Variants in EHBP1L1 observed in about 807,000 individuals in gnomAD.
The protein encoded by EHBP1L1 is EH domain-binding protein 1-like protein 1.
In EHBP1L1, 122 loss-of-function variants were observed where a neutral mutation model predicts 151.1. The ratio of observed to expected loss-of-function variants is 0.81; its 90% CI spans 0.70 to 0.94. EHBP1L1 has a LOEUF of 0.94. EHBP1L1 is among the 40% of genes least tolerant of loss of function. The probability of loss-of-function intolerance (pLI) is 0.00; values close to 1 mark genes in which losing one functional copy is unlikely to be tolerated. For missense variants in EHBP1L1, 1,941 were observed against 1,959.8 expected, an observed-to-expected ratio of 0.99 and a Z score of 0.18; for synonymous variants, 878 against 810.1, an observed-to-expected ratio of 1.08 and a Z score of -1.42.
Position 65,576,378 on chromosome 11 carries a change from G to A in EHBP1L1, c.76G>A (p.Glu26Lys), listed in dbSNP as rs1043243036. ...GTTCCAGTTCGTGGCCTGTTACCAC[G>A]AGCTAGTGTTGGAGTGCACCAAGAA... ...AKFQFVACYH[E>K]LVLECTKKWQ... The change falls in exon 1 of 19, where the codon GAG becomes AAG. Residue 26 changes from glutamate to lysine, a missense_variant. Coordinates refer to ENST00000309295, the MANE Select transcript of EHBP1L1 (RefSeq NM_001099409.3). 5.0e-6 allele frequency: 8 copies of A among 1,593,358 alleles called. No homozygotes were observed. Among genetic ancestry groups the A allele is most frequent in the South Asian group, 2.3e-5 (2 of 87,878 alleles).
chr11:65,576,536 TC>T lies in EHBP1L1; in HGVS notation c.104+132del, dbSNP rs1355107407. 1.1e-5 allele frequency: 9 copies of T among 792,128 alleles called. No individual in the cohort carries two copies. In the African/African-American group the frequency reaches 1.4e-4, roughly 13 times the overall value. 49.1% of individuals were successfully genotyped at this position (792,128 alleles called of 1,614,324 possible). A position where few individuals can be genotyped will look rare whatever the true frequency, so the allele number is the denominator to read the frequency against. ...CCCCCACCCCAGCTTGGGCCCTGGTTCCGTTCCCAGGCTCGGAGATTCAGAA... is the reference window on the plus strand; with the variant it reads ...CCCCCACCCCAGCTTGGGCCCTGGTTCGTTCCCAGGCTCGGAGATTCAGAA... On this transcript the variant is annotated intron_variant, in intron 1 of 18. Transcript: ENST00000309295.
At chr11:65,591,763 G>C in intron 16 of EHBP1L1, 37 bp from the exon 17 acceptor site, 1 of 1,128,584 alleles carries the variant, frequency 8.9e-7, no homozygotes, top group Non-Finnish European at 1.3e-6. Flanking sequence ...TTCCTGAACT[G>C]CCACCCCCCC....
At chr11:65,588,319 C>T (rs530609088) in intron 12 of EHBP1L1, among the ~76,000 whole-genome samples, 35 of 152,008 alleles carry the variant, frequency 2.3e-4, no homozygotes, top group Middle Eastern at 3.4e-3. Context: ...GGCCAGGGGG[C>T]GGTGTCTAGG....
rs1240907488 is a variant in EHBP1L1 at position 65,582,634 on chromosome 11, G to A, written c.1962G>A (p.Gln654=). ...CAGAGACTGAGGTATTGGGGACCCA[G>A]AAAACAGAAGCTGGGGGTTCAGGAG... ...PGTETEVLGT[Q]KTEAGGSGVL... Residue 654 remains glutamine (Q), a synonymous_variant, in exon 9 of 19, where the codon CAG becomes CAA. Coordinates refer to ENST00000309295, the MANE Select transcript of EHBP1L1 (RefSeq NM_001099409.3). The A allele has an allele frequency of 6.2e-7, 1 of 1,613,616 alleles. No individual in the cohort carries two copies. The highest frequency in any genetic ancestry group is 2.2e-5 in the East Asian group (1 of 44,876).
In EHBP1L1 at chr11:65,581,135, C is replaced by T; in HGVS notation, c.703+9C>T. 13 of 1,612,886 alleles carry T rather than the reference C, an allele frequency of 8.1e-6. No individual in the cohort carries two copies. Among genetic ancestry groups the T allele is most frequent in the South Asian group, 1.1e-5 (1 of 91,084 alleles). ...ACGACCCCAGCAGGCAGGTGAGACC[C>T]AGGCTGGGGTTGGGGGTGGAGACTG... On this transcript the variant is annotated intron_variant, in intron 7 of 18. Coordinates refer to ENST00000309295, the MANE Select transcript of EHBP1L1 (RefSeq NM_001099409.3).
Position 65,585,341 on chromosome 11 carries a change from A to AGTC in EHBP1L1, c.3685_3687dup (p.Ser1229dup). 1 of 1,099,708 alleles carries AGTC rather than the reference A, an allele frequency of 9.1e-7. No individual in the cohort carries two copies. Among genetic ancestry groups the AGTC allele is most frequent in the Non-Finnish European group, 1.1e-6 (1 of 906,758 alleles). 68.1% of individuals were successfully genotyped at this position (1,099,708 alleles called of 1,614,324 possible). A position where few individuals can be genotyped will look rare whatever the true frequency, so the allele number is the denominator to read the frequency against. On this transcript the variant is annotated inframe_insertion, in exon 12 of 19. Transcript: ENST00000309295. The surrounding 1 kb of genome is among the most constrained non-coding windows in gnomAD (Gnocchi z 4.0). ...GACGGCGGGGCCGAGGCCCCCCGAG[A>AGTC]GTCGCGACCCGCGGAGGTCCCGGCC...
chr11:65,576,933 C>T (rs1437827353), intron 1 of EHBP1L1, among the ~76,000 whole-genome samples: 1 of 151,968 alleles, frequency 6.6e-6, no homozygotes, highest in Non-Finnish European at 1.5e-5. Flanking sequence ...CCACAATGTC[C>T]TTAAAAGGGG....
chr11:65,584,160 G>A, intron 9 of EHBP1L1, 81 bp from the exon 10 acceptor site: 1 of 1,550,116 alleles, frequency 6.5e-7, no homozygotes, highest in South Asian at 1.2e-5. Flanking sequence ...GGGCTGTTGT[G>A]TGCCAGGCAT....
chr11:65,591,718 G>T (rs1306916899), intron 16 of EHBP1L1, 82 bp from the exon 17 acceptor site: 12 of 1,168,736 alleles, frequency 1.0e-5, no homozygotes, highest in Non-Finnish European at 1.4e-5. Context: ...TCAGGGAGTG[G>T]CCAGAGCCCT....
intron 16 of EHBP1L1, chr11:65,591,571 G>C: frequency 1.7e-6 from 1 of 605,218 alleles, no homozygotes; most frequent in South Asian, 1.9e-5. Flanking sequence ...GGTCCTTCTG[G>C]GGGGTGTGTG....
chr11:65,583,948 C>T (rs1857787999), intron 9 of EHBP1L1, 183 bp downstream of exon 9: 2 of 1,416,048 alleles, frequency 1.4e-6, no homozygotes, highest in South Asian at 1.7e-5. Context: ...CCCCATCTTC[C>T]CTGGGCCGCA....
In EHBP1L1 at chr11:65,583,101, C is replaced by T. The variant is rs755729901; in HGVS notation, c.2429C>T (p.Ala810Val). 1.4e-5 allele frequency: 23 copies of T among 1,612,292 alleles called. No homozygotes were observed. Among genetic ancestry groups the T allele is most frequent in the Non-Finnish European group, 1.8e-5 (21 of 1,179,578 alleles). The change falls in exon 9 of 19, where the codon GCG becomes GTG. Residue 810 changes from alanine to valine, a missense_variant. Coordinates refer to ENST00000309295, the MANE Select transcript of EHBP1L1 (RefSeq NM_001099409.3). ...EVGGSEVPEI[A>V]TGTAETEILG... is the part of the protein sequence containing the mutation. ...GGGGGTTCAGAGGTTCCAGAGATAG[C>T]GACTGGGACAGCAGAAACTGAGATA...
At chr11:65,576,486 C>T (rs988844165) in intron 1 of EHBP1L1, 80 bp downstream of exon 1, 27 of 1,308,784 alleles carry the variant, frequency 2.1e-5, no homozygotes, top group Admixed American at 9.4e-5. Context: ...AGGACTCTGC[C>T]CCCCCAGCCC....
rs748747865 is a variant in EHBP1L1 at position 65,580,275 on chromosome 11, C to T, written c.491+16C>T. The T allele has an allele frequency of 5.6e-6, 9 of 1,613,212 alleles. No individual in the cohort carries two copies. In the East Asian group the frequency reaches 1.8e-4, roughly 32 times the overall value. ...GCCGTGCCACGTGAGTGCCTACCTG[C>T]CCTCCTTGATCCTGGCCTGTGACCT... is the stretch of plus-strand genomic sequence containing the variant. On this transcript the variant is annotated intron_variant, in intron 5 of 18. Transcript: ENST00000309295.
chr11:65,581,549 C>T lies in EHBP1L1; in HGVS notation c.877C>T (p.Gln293Ter), dbSNP rs923111062. The T allele has an allele frequency of 1.3e-6, 2 of 1,495,034 alleles. No individual in the cohort carries two copies. Among genetic ancestry groups the T allele is most frequent in the Non-Finnish European group, 1.8e-6 (2 of 1,124,234 alleles). 92.6% of individuals were successfully genotyped at this position (1,495,034 alleles called of 1,614,324 possible). ...CTGCTCTCTTCTCAGGTCTTCAAGG[C>T]AGCCAGCCCAGGACACGGCCCCCAC... Reference protein sequence around the residue: ...ETSPEMRSSRQPAQDTAPTPA... With the variant: ...ETSPEMRSSR Residue 293 changes from glutamine to a stop codon, truncating the protein, a stop_gained, in exon 9 of 19, where the codon CAG (glutamine) becomes TAG (stop). Coordinates refer to ENST00000309295, the MANE Select transcript of EHBP1L1 (RefSeq NM_001099409.3). LOFTEE classifies it high-confidence loss of function.
rs538988317 is a variant in EHBP1L1, at chr11:65,580,757, C to T, written c.634+278C>T. 2.0e-4 allele frequency among the ~76,000 whole-genome samples: 31 copies of T among 152,294 alleles called. No individual in the cohort carries two copies. In the South Asian group the frequency reaches 6.4e-3, roughly 32 times the overall value. On this transcript the variant is annotated intron_variant, in intron 6 of 18. Transcript: ENST00000309295. ...TGGTGCTTGCCAGGCCCGTACCTGACCCAGGACAGCTGGGTCAGAAGCCCG... is the reference window on the plus strand; with the variant it reads ...TGGTGCTTGCCAGGCCCGTACCTGATCCAGGACAGCTGGGTCAGAAGCCCG...
At position 65,576,404 on chromosome 11, in the gene EHBP1L1, A is replaced by G; in HGVS notation, c.102A>G (p.Lys34=). 6.3e-7 allele frequency: 1 copy of G among 1,580,680 alleles called. No individual in the cohort carries two copies. The highest frequency in any genetic ancestry group is 8.6e-7 in the Non-Finnish European group (1 of 1,163,446). ...AGCTAGTGTTGGAGTGCACCAAGAA[A>G]TGGTGAGTGGGAGGGAGGCGGGGGG... ...YHELVLECTK[K]WQPDKLVVVW... is the part of the protein sequence containing the mutation. The change falls in exon 1 of 19, where the codon AAA becomes AAG. Residue 34 remains lysine, a splice_region_variant and synonymous_variant. Coordinates refer to ENST00000309295, the MANE Select transcript of EHBP1L1 (RefSeq NM_001099409.3).
rs1180402930 is a variant in EHBP1L1, at chr11:65,590,589, T to C, written c.4280T>C (p.Leu1427Pro). 1 of 1,613,120 alleles carries C rather than the reference T, an allele frequency of 6.2e-7. No homozygotes were observed. Among genetic ancestry groups the C allele is most frequent in the Non-Finnish European group, 8.5e-7 (1 of 1,179,754 alleles). The change falls in exon 16 of 19, where the codon CTG becomes CCG. Residue 1427 changes from leucine to proline, a missense_variant. Transcript: ENST00000309295. Reference sequence around the variant, plus strand: ...ATCCGGAGGCAGGACCAGCTGCAGCTGCTGTGAGTGCTGGCCCCGGGCCAG... The same window carrying C: ...ATCCGGAGGCAGGACCAGCTGCAGCCGCTGTGAGTGCTGGCCCCGGGCCAG... ...ALIRRQDQLQLLMEEQDLERR... is the reference protein window; with the variant it reads ...ALIRRQDQLQPLMEEQDLERR...
rs199890641 is a variant in EHBP1L1 at position 65,582,590 on chromosome 11, G to T, written c.1918G>T (p.Val640Phe). 559 of 1,613,288 alleles carry T rather than the reference G, an allele frequency of 3.5e-4. 3 individuals carry two copies. In the African/African-American group the frequency reaches 5.5e-3, roughly 16 times the overall value. ...GGAGACCCAGGAAACAGAGGTGGGG[G>T]TCATAGAGACCCCAGGGACAGAGAC... The part of the protein sequence containing the change: ...GLETQETEVG[V>F]IETPGTETEV... Residue 640 changes from valine (V) to phenylalanine (F), a missense_variant, in exon 9 of 19, where the codon GTC (valine) becomes TTC (phenylalanine). Physicochemically the swap from Val to Phe is conservative, Grantham distance 50. Transcript: ENST00000309295.
Sources: gnomAD v4.1 joint callset for allele counts (sites outside exome capture counted in the v4.1 genomes callset) on GRCh38, gnomAD v4.1.1 for gene constraint, Gnocchi (gnomAD v3.1) non-coding constraint, MANE v1.5 for transcripts, NCBI Gene and HGNC (gene_info 2026-07-23, HGNC 2026-07-21) for gene names.